The following TRAK1 variants were observed in gnomAD, a reference collection of about 807,000 sequenced individuals.
The protein encoded by TRAK1 is trafficking kinesin protein 1.
A neutral mutation model predicts 92.1 loss-of-function variants in TRAK1; 33 were observed. That is an observed-to-expected ratio of 0.36 (90% CI 0.27 to 0.48). The LOEUF is 0.48. Among genes scored for constraint, TRAK1 ranks in the 20% least tolerant of loss-of-function variants. The probability of loss-of-function intolerance (pLI) is 0.99; values close to 1 mark genes in which losing one functional copy is unlikely to be tolerated. For synonymous variants in TRAK1, 521 were observed against 517.3 expected, an observed-to-expected ratio of 1.01 and a Z score of -0.10; for missense variants, 1,123 against 1,257.9, an observed-to-expected ratio of 0.89 and a Z score of 1.62.
At position 42,179,505 on chromosome 3, in the gene TRAK1, A is replaced by C. The variant is rs141275565; in HGVS notation, c.363+2615A>C. The stretch of plus-strand genomic sequence containing the variant: ...CTGTCTGGAATGCACCTTTGGGCAG[A>C]GCTTGCCTCCTCCTCGGTTACAGAG... On this transcript the variant is annotated intron_variant, in intron 3 of 15. Transcript: ENST00000327628. Among the ~76,000 whole-genome samples the C allele has an allele frequency of 1.7e-4, 26 of 152,340 alleles. No individual in the cohort carries two copies. In the East Asian group the frequency reaches 4.8e-3, roughly 28 times the overall value.
At chr3:42,036,501 A>G (rs544329161) in intron 1 of TRAK1, among the ~76,000 whole-genome samples, 129 of 152,142 alleles carry the variant, frequency 8.5e-4, no homozygotes, top group Non-Finnish European at 1.4e-3. Flanking sequence ...GTACTGGCTC[A>G]TTGGAGCAGG....
chr3:42,093,664 T>TCCCTTCCCTC (rs1559755617), intron 1 of TRAK1, among the ~76,000 whole-genome samples: 1 of 18,580 alleles, frequency 5.4e-5, no homozygotes, highest in African/African-American at 1.7e-4. Context: ...TCCCTTCCCT[T>TCCCTTCCCTC]CCCTCCCCTC....
chr3:42,017,338 T>C (rs976932558), intron 1 of TRAK1, among the ~76,000 whole-genome samples: 1 of 152,168 alleles, frequency 6.6e-6, no homozygotes, highest in Non-Finnish European at 1.5e-5. Context: ...GTGATTTTTG[T>C]AGGGAAAGAC....
chr3:42,055,316 A>G (rs1477944737), intron 1 of TRAK1, among the ~76,000 whole-genome samples: 2 of 152,224 alleles, frequency 1.3e-5, no homozygotes, highest in African/African-American at 4.8e-5. Flanking sequence ...CTCTCTCTTT[A>G]TAAAACTCTC....
intron 1 of TRAK1, among the ~76,000 whole-genome samples, chr3:42,061,056 A>G (rs867531145): frequency 4.6e-5 from 7 of 152,178 alleles, no homozygotes; most frequent in Non-Finnish European, 8.8e-5. Flanking sequence ...GTGAAAACCT[A>G]AATGGTATGC....
intron 1 of TRAK1, among the ~76,000 whole-genome samples, chr3:42,038,471 C>A (rs1175928995): frequency 6.6e-5 from 10 of 152,284 alleles, no homozygotes; most frequent in Admixed American, 2.0e-4. Context: ...TGCCACAACA[C>A]CTGGCCGGTT....
chr3:42,107,721 TACAGATAG>T (rs1402439284), intron 1 of TRAK1, among the ~76,000 whole-genome samples: 1 of 152,046 alleles, frequency 6.6e-6, no homozygotes, highest in Non-Finnish European at 1.5e-5. Context: ...TCTTTGCCTG[TACAGATAG>T]TACCTTTAAA....
At chr3:42,183,545 A>C (rs1704326754) in intron 3 of TRAK1, among the ~76,000 whole-genome samples, 1 of 130,006 alleles carries the variant, frequency 7.7e-6, no homozygotes, top group Non-Finnish European at 1.6e-5. Flanking sequence ...ACAGAGTGAG[A>C]CTCTGTCTAA....
At chr3:42,192,219 T>A (rs1005210128) in intron 7 of TRAK1, among the ~76,000 whole-genome samples, 7 of 152,136 alleles carry the variant, frequency 4.6e-5, no homozygotes, top group African/African-American at 1.7e-4. Flanking sequence ...TGGAATTTTT[T>A]AATGCCTAAG....
At chr3:42,104,942 T>TA (rs1222548157) in intron 1 of TRAK1, among the ~76,000 whole-genome samples, 5 of 139,908 alleles carry the variant, frequency 3.6e-5, no homozygotes, top group Admixed American at 3.2e-4. Context: ...GCAAAGAAGC[T>TA]AAAAATCTTT....
chr3:42,118,230 G>A (rs570845577), intron 1 of TRAK1, among the ~76,000 whole-genome samples: 4 of 151,766 alleles, frequency 2.6e-5, no homozygotes, highest in East Asian at 1.9e-4. Flanking sequence ...GATTATAGGC[G>A]TCCACCATCA....
chr3:42,130,920 TCTC>T (rs1697109249), intron 2 of TRAK1, among the ~76,000 whole-genome samples: 1 of 152,076 alleles, frequency 6.6e-6, no homozygotes, highest in African/African-American at 2.4e-5. Context: ...TGTGTGCAGG[TCTC>T]CTCACCACTC....
At chr3:42,084,645 T>C (rs1323625500), upstream of TRAK1, among the ~76,000 whole-genome samples, 2 of 152,178 alleles carry the variant, frequency 1.3e-5, no homozygotes. Flanking sequence ...TTGACCATCA[T>C]TGGTGACTCT....
intron 4 of TRAK1, among the ~76,000 whole-genome samples, chr3:42,185,992 T>TG: frequency 1.1e-5 from 1 of 89,000 alleles, no homozygotes; most frequent in Admixed American, 1.5e-4. Flanking sequence ...TTTTTTTTTT[T>TG]TTTTTTTTGA....
At chr3:42,138,817 G>T (rs1222479155) in intron 2 of TRAK1, among the ~76,000 whole-genome samples, 2 of 151,622 alleles carry the variant, frequency 1.3e-5, no homozygotes, top group Non-Finnish European at 2.9e-5. Flanking sequence ...CCTTCTGAAG[G>T]GGAGTGTGGT....
chr3:42,148,676 C>T (rs943101127), intron 2 of TRAK1, among the ~76,000 whole-genome samples: 4 of 152,154 alleles, frequency 2.6e-5, no homozygotes, highest in Non-Finnish European at 5.9e-5. Flanking sequence ...ATGGCGCCCT[C>T]CTCTATTTGT....
chr3:42,058,462 C>G lies in TRAK1; in HGVS notation c.-518-28642C>G, dbSNP rs533879359. On this transcript the variant is annotated intron_variant, in intron 1 of 16. Coordinates refer to the TRAK1 transcript ENST00000487159. ...AAGCAATTCTCCTGCCTCAGCCTCC[C>G]CAGTAGCTGGGATTACAGGCGCCCC... Among the ~76,000 whole-genome samples, 3 of 152,184 alleles carry G rather than the reference C, an allele frequency of 2.0e-5. No individual in the cohort carries two copies. The South Asian group carries it at 6.2e-4, about 32-fold the overall frequency.
At chr3:42,123,507 A>C (rs1034460381) in intron 1 of TRAK1, among the ~76,000 whole-genome samples, 3 of 151,856 alleles carry the variant, frequency 2.0e-5, no homozygotes, top group Non-Finnish European at 2.9e-5. Context: ...CCCAGGATCT[A>C]CTCCCACTGA....
Position 42,209,159 on chromosome 3 carries a change from C to T in TRAK1, c.1745-608C>T, listed in dbSNP as rs115610733. On this transcript the variant is annotated intron_variant, in intron 13 of 15. Coordinates refer to ENST00000327628, the MANE Select transcript of TRAK1 (RefSeq NM_001042646.3). ...TTAACCCAATTCCTTCTCCCTAACCCGGCAGCCTCTCAAAGTTGCTGGCAA... is the reference window on the plus strand; with the variant it reads ...TTAACCCAATTCCTTCTCCCTAACCTGGCAGCCTCTCAAAGTTGCTGGCAA... Among the ~76,000 whole-genome samples, 814 of 152,302 alleles carry T rather than the reference C, an allele frequency of 5.3e-3. 14 individuals are homozygous for T. The highest frequency in any genetic ancestry group is 0.019 in the African/African-American group (774 of 41,554).
Sources: allele counts gnomAD v4.1 joint callset (sites outside exome capture counted in the v4.1 genomes callset), GRCh38; gene constraint gnomAD v4.1.1; transcripts MANE v1.5; gene names NCBI Gene and HGNC (gene_info 2026-07-23, HGNC 2026-07-21).